Variants in LRP1B observed in about 807,000 individuals in gnomAD.
LRP1B encodes LDL receptor related protein 1B.
Under a neutral mutation model 556.6 loss-of-function variants are expected in LRP1B, and 217 were observed. That is an observed-to-expected ratio of 0.39 (90% CI 0.35 to 0.44). The LOEUF (loss-of-function observed/expected upper bound fraction) is 0.44. Among genes scored for constraint, LRP1B ranks in the 20% least tolerant of loss-of-function variants. The pLI is 1.00. For missense variants in LRP1B, 5,053 were observed against 5,620.8 expected (o/e 0.90, Z 3.23); for synonymous variants, 2,047 against 1,865.8 (o/e 1.10, Z -2.50).
chr2:141,697,963 A>G (rs1299899445), intron 2 of LRP1B, among the ~76,000 whole-genome samples: 4 of 151,946 alleles, frequency 2.6e-5, no homozygotes, highest in African/African-American at 9.7e-5. Context: ...GTTTAGCACC[A>G]ACATTCTCTG....
chr2:140,369,498 A>G lies in LRP1B; in HGVS notation c.11008+1212T>C, dbSNP rs6724622. On this transcript the variant is annotated intron_variant, in intron 71 of 90. Coordinates refer to ENST00000389484, the MANE Select transcript of LRP1B (RefSeq NM_018557.3). The stretch of plus-strand genomic sequence containing the variant: ...CACAATGTTTGCTGTCTCTAGAGTG[A>G]CCAATTACAGAAAGTGAGTGTGAGA... 3.2e-3 allele frequency among the ~76,000 whole-genome samples: 492 copies of G among 152,060 alleles called. 4 individuals carry two copies. The highest frequency in any genetic ancestry group is 0.012 in the African/African-American group (482 of 41,542).
intron 43 of LRP1B, 152 bp from the exon 44 acceptor site, chr2:140,542,123 A>C (rs1680158835): frequency 5.7e-6 from 3 of 522,794 alleles, no homozygotes; most frequent in Non-Finnish European, 9.9e-6. Context: ...TAAATGAATT[A>C]TGATAATATG....
intron 32 of LRP1B, among the ~76,000 whole-genome samples, chr2:140,804,093 A>G (rs1025926869): frequency 1.3e-5 from 2 of 151,972 alleles, no homozygotes; most frequent in African/African-American, 4.8e-5. Flanking sequence ...TCTGCACTTG[A>G]CAACATGTAA....
Position 141,584,010 on chromosome 2 carries a change from G to A in LRP1B, c.206-103477C>T, listed in dbSNP as rs147764975. 4.5e-3 allele frequency among the ~76,000 whole-genome samples: 687 copies of A among 151,896 alleles called. 4 individuals are homozygous for A. The highest frequency in any genetic ancestry group is 0.015 in the African/African-American group (635 of 41,400). ...TGAGTCGCAGCAGAAAATTTTTGTGGCAGCCGGCAAATAACTTGAGCCTAG... is the reference window on the plus strand; with the variant it reads ...TGAGTCGCAGCAGAAAATTTTTGTGACAGCCGGCAAATAACTTGAGCCTAG... On this transcript the variant is annotated intron_variant, in intron 2 of 90. Coordinates refer to ENST00000389484, the MANE Select transcript of LRP1B (RefSeq NM_018557.3).
At chr2:140,730,250 G>A (rs1288452377) in intron 35 of LRP1B, among the ~76,000 whole-genome samples, 1 of 152,032 alleles carries the variant, frequency 6.6e-6, no homozygotes, top group Non-Finnish European at 1.5e-5. Flanking sequence ...CAACTATCAG[G>A]ATAATATAGC....
intron 1 of LRP1B, among the ~76,000 whole-genome samples, chr2:141,902,755 G>T (rs1365742601): frequency 6.6e-6 from 1 of 151,894 alleles, no homozygotes; most frequent in Non-Finnish European, 1.5e-5. Context: ...CTTCCATAGA[G>T]ATTACAATAT....
intron 3 of LRP1B, among the ~76,000 whole-genome samples, chr2:141,270,495 G>A (rs1376612345): frequency 6.6e-6 from 1 of 152,058 alleles, no homozygotes; most frequent in South Asian, 2.1e-4. Flanking sequence ...GCCCATAGCA[G>A]TGTTATTCAC....
At chr2:141,317,334 G>A (rs781334189) in intron 3 of LRP1B, among the ~76,000 whole-genome samples, 14 of 152,228 alleles carry the variant, frequency 9.2e-5, no homozygotes, top group South Asian at 4.1e-4. Context: ...GTGTCCGCTG[G>A]GTTGGCTTCT....
chr2:141,228,484 G>A (rs1683335711), intron 6 of LRP1B, among the ~76,000 whole-genome samples: 1 of 150,560 alleles, frequency 6.6e-6, no homozygotes, highest in African/African-American at 2.4e-5. Flanking sequence ...ATCTCTGGGT[G>A]TGTGTGTGTA....
At chr2:142,052,197 G>A (rs1427056083) in intron 1 of LRP1B, among the ~76,000 whole-genome samples, 1 of 151,546 alleles carries the variant, frequency 6.6e-6, no homozygotes, top group East Asian at 1.9e-4. Context: ...ACTCAAAAAC[G>A]TCTACCTGAG....
chr2:141,096,629 G>GGAGAGGGAGA (rs1700318285), intron 7 of LRP1B, among the ~76,000 whole-genome samples: 28 of 59,742 alleles, frequency 4.7e-4, no homozygotes, highest in African/African-American at 2.0e-3. Context: ...GGGGAGAGGG[G>GGAGAGGGAGA]GAGAGAGAGA....
intron 3 of LRP1B, among the ~76,000 whole-genome samples, chr2:141,396,338 A>G (rs1333309453): frequency 6.6e-6 from 1 of 152,210 alleles, no homozygotes; most frequent in Non-Finnish European, 1.5e-5. Context: ...ATTATCAAAA[A>G]AATAAAAAGA....
intron 1 of LRP1B, among the ~76,000 whole-genome samples, chr2:141,923,422 T>TATATATATATAC (rs1410669535): frequency 7.4e-6 from 1 of 135,658 alleles, no homozygotes; most frequent in Non-Finnish European, 1.6e-5. Flanking sequence ...TATATATATA[T>TATATATATATAC]AGTGACAAAG....
chr2:140,353,315 A>C (rs941133881), intron 75 of LRP1B, among the ~76,000 whole-genome samples: 4 of 152,076 alleles, frequency 2.6e-5, no homozygotes, highest in African/African-American at 9.7e-5. Flanking sequence ...TTAAAGCTTC[A>C]ATTTCAAACT....
intron 1 of LRP1B, among the ~76,000 whole-genome samples, chr2:142,059,690 G>A (rs1402509338): frequency 6.6e-6 from 1 of 152,024 alleles, no homozygotes; most frequent in Admixed American, 6.6e-5. Flanking sequence ...AGAAATGACT[G>A]CTTCTTTCTC....
chr2:141,878,195 A>G (rs1484859105), intron 1 of LRP1B, among the ~76,000 whole-genome samples: 1 of 151,938 alleles, frequency 6.6e-6, no homozygotes, highest in Non-Finnish European at 1.5e-5. Flanking sequence ...GGCTAGAGCT[A>G]TAGAGCACAA....
At chr2:141,517,259 T>TACACACACACACACACACACAC (rs71281835) in intron 2 of LRP1B, among the ~76,000 whole-genome samples, 1 of 141,390 alleles carries the variant, frequency 7.1e-6, no homozygotes, top group African/African-American at 2.6e-5. Flanking sequence ...AGGACAAGAA[T>TACACACACACACACACACACAC]ACGCACACAC....
intron 7 of LRP1B, among the ~76,000 whole-genome samples, chr2:141,163,290 C>CT (rs1475254210): frequency 6.6e-6 from 1 of 151,970 alleles, no homozygotes; most frequent in African/African-American, 2.4e-5. Flanking sequence ...TATTTATAAA[C>CT]TTTTTTTCTG....
chr2:141,601,399 T>C (rs1396847141), intron 2 of LRP1B, among the ~76,000 whole-genome samples: 1 of 152,146 alleles, frequency 6.6e-6, no homozygotes, highest in Non-Finnish European at 1.5e-5. Flanking sequence ...AACATATGAA[T>C]GCAGACAAAT....
Sources: allele counts gnomAD v4.1 joint callset (sites outside exome capture counted in the v4.1 genomes callset), GRCh38; gene constraint gnomAD v4.1.1; transcripts MANE v1.5; gene names NCBI Gene and HGNC (gene_info 2026-07-23, HGNC 2026-07-21).